The following AGPS variants were observed in gnomAD, a reference collection of about 807,000 sequenced individuals.
The protein encoded by AGPS is alkylglycerone phosphate synthase.
In AGPS, 26 loss-of-function variants were observed where a neutral mutation model predicts 90.7. That is an observed-to-expected ratio of 0.29 (90% CI 0.21 to 0.40). The LOEUF is 0.40. Among genes scored for constraint, AGPS ranks in the 10% least tolerant of loss-of-function variants. The pLI, the probability that AGPS is intolerant of heterozygous loss-of-function variation, is 1.00. For synonymous variants in AGPS, 294 were observed against 285.3 expected (o/e 1.03, Z -0.31); for missense variants, 540 against 816.1 (o/e 0.66, Z 4.12).
At chr2:177,533,187 C>T (rs542546584) in intron 19 of AGPS, among the ~76,000 whole-genome samples, 2 of 152,166 alleles carry the variant, frequency 1.3e-5, no homozygotes, top group East Asian at 1.9e-4. Flanking sequence ...TCTAACAAAA[C>T]GTATATGTTG....
intron 1 of AGPS, among the ~76,000 whole-genome samples, chr2:177,395,119 A>T (rs1352918643): frequency 6.6e-6 from 1 of 152,208 alleles, no homozygotes; most frequent in African/African-American, 2.4e-5. Context: ...ATGTACATTT[A>T]TGTGTTCTCA....
intron 9 of AGPS, among the ~76,000 whole-genome samples, chr2:177,466,912 G>A (rs981953415): frequency 6.6e-6 from 1 of 152,102 alleles, no homozygotes; most frequent in Admixed American, 6.5e-5. Context: ...GCGTGCTTCC[G>A]GCCCCCAAGA....
rs561919264 is a variant in AGPS, at chr2:177,438,251, T to G, written c.637+1197T>G. Among the ~76,000 whole-genome samples the G allele has an allele frequency of 2.6e-5, 4 of 152,286 alleles. No individual in the cohort carries two copies. The East Asian group carries it at 7.7e-4, about 29-fold the overall frequency. On this transcript the variant is annotated intron_variant, in intron 5 of 19. Coordinates refer to ENST00000264167, the MANE Select transcript of AGPS (RefSeq NM_003659.4). The stretch of plus-strand genomic sequence containing the variant: ...ACCTTCTAGGCATTTTCTTCATGTC[T>G]TTCAATATTAAAATACTTAGAGAGT...
chr2:177,514,972 T>C (rs1408836474), intron 17 of AGPS, among the ~76,000 whole-genome samples: 1 of 151,432 alleles, frequency 6.6e-6, no homozygotes, highest in Non-Finnish European at 1.5e-5. Context: ...TTTAAGCAAG[T>C]ACACTGACGA....
At chr2:177,487,390 A>T (rs62182673) in intron 11 of AGPS, among the ~76,000 whole-genome samples, 3 of 152,034 alleles carry the variant, frequency 2.0e-5, no homozygotes, top group African/African-American at 7.2e-5. Context: ...TCTTCCCACT[A>T]CCTTTTGATG....
intron 9 of AGPS, among the ~76,000 whole-genome samples, chr2:177,462,883 A>G (rs984166556): frequency 5.3e-5 from 8 of 152,190 alleles, no homozygotes; most frequent in South Asian, 2.1e-4. Context: ...AACCAGTTCT[A>G]TGGGGATACT....
chr2:177,536,671 C>T (rs780345374), intron 19 of AGPS, among the ~76,000 whole-genome samples: 1 of 152,058 alleles, frequency 6.6e-6, no homozygotes, highest in Non-Finnish European at 1.5e-5. Flanking sequence ...AGAGCTATCT[C>T]AAACAAAATT....
chr2:177,418,030 T>C (rs778178010), intron 1 of AGPS, among the ~76,000 whole-genome samples: 2 of 152,128 alleles, frequency 1.3e-5, no homozygotes, highest in Non-Finnish European at 2.9e-5. Context: ...GTATATGATT[T>C]ATGCATAATC....
chr2:177,509,091 T>C (rs1423327828), intron 16 of AGPS, among the ~76,000 whole-genome samples: 1 of 152,202 alleles, frequency 6.6e-6, no homozygotes, highest in Non-Finnish European at 1.5e-5. Context: ...AATATTTTGG[T>C]TTCTTCCAAT....
At chr2:177,459,592 G>A (rs1173550542) in intron 8 of AGPS, among the ~76,000 whole-genome samples, 1 of 152,158 alleles carries the variant, frequency 6.6e-6, no homozygotes, top group Non-Finnish European at 1.5e-5. Flanking sequence ...GGTTATTAGC[G>A]AAATGCAAAT....
chr2:177,424,070 G>C (rs934836256), intron 2 of AGPS, among the ~76,000 whole-genome samples: 9 of 152,016 alleles, frequency 5.9e-5, no homozygotes, highest in African/African-American at 2.2e-4. Context: ...AGGTTATTAA[G>C]CCCACTATCC....
intron 17 of AGPS, among the ~76,000 whole-genome samples, chr2:177,518,539 G>A (rs1689089362): frequency 6.6e-6 from 1 of 152,050 alleles, no homozygotes; most frequent in Non-Finnish European, 1.5e-5. Context: ...TCCCACTGTT[G>A]ATTCTTGATT....
At chr2:177,415,687 A>G (rs1324329217) in intron 1 of AGPS, among the ~76,000 whole-genome samples, 2 of 152,216 alleles carry the variant, frequency 1.3e-5, no homozygotes, top group Non-Finnish European at 2.9e-5. Flanking sequence ...TAGAAACATG[A>G]TCTTATCAGA....
At chr2:177,408,142 A>C (rs934678079) in intron 1 of AGPS, among the ~76,000 whole-genome samples, 5 of 152,150 alleles carry the variant, frequency 3.3e-5, no homozygotes, top group African/African-American at 1.2e-4. Context: ...AGAACCCAAA[A>C]AGTGTAGAAC....
chr2:177,536,910 T>A (rs1165810024), intron 19 of AGPS, among the ~76,000 whole-genome samples: 1 of 152,178 alleles, frequency 6.6e-6, no homozygotes, highest in Non-Finnish European at 1.5e-5. Flanking sequence ...GCAGATGCTA[T>A]GATGTATCAC....
At chr2:177,408,980 G>A (rs1362996182) in intron 1 of AGPS, among the ~76,000 whole-genome samples, 4 of 152,112 alleles carry the variant, frequency 2.6e-5, no homozygotes, top group African/African-American at 9.7e-5. Context: ...TTTAAAGTAA[G>A]TACCCAAGGT....
chr2:177,528,849 CT>C (rs71008000), intron 19 of AGPS, among the ~76,000 whole-genome samples: 92 of 79,154 alleles, frequency 1.2e-3, no homozygotes, highest in African/African-American at 2.3e-3. Flanking sequence ...CATATTAATC[CT>C]TTTTTTTTTT....
At position 177,392,924 on chromosome 2, in the gene AGPS, G is replaced by C; in HGVS notation, c.135G>C (p.Leu45=). 1 of 1,550,208 alleles carries C rather than the reference G, an allele frequency of 6.5e-7. No homozygotes were observed. Among genetic ancestry groups the C allele is most frequent in the Non-Finnish European group, 8.7e-7 (1 of 1,146,850 alleles). ...GRRLRVLSGH[L]LGRPREALST... ...GGCTGCGGGTTCTCTCTGGCCATCT[G>C]CTGGGCCGGCCCCGGGAGGCTCTGA... Residue 45 remains leucine (L), a synonymous_variant, in exon 1 of 20, where the codon CTG becomes CTC. Transcript: ENST00000264167.
intron 17 of AGPS, among the ~76,000 whole-genome samples, chr2:177,515,383 G>C (rs1688992498): frequency 6.6e-6 from 1 of 152,022 alleles, no homozygotes. Context: ...AAACATTTTA[G>C]ATAGTCAAAT....
Sources: gnomAD v4.1 joint callset for allele counts (sites outside exome capture counted in the v4.1 genomes callset) on GRCh38, gnomAD v4.1.1 for gene constraint, MANE v1.5 for transcripts, NCBI Gene and HGNC (gene_info 2026-07-23, HGNC 2026-07-21) for gene names.